The following SAE1 variants were observed in gnomAD, a reference collection of about 807,000 sequenced individuals.
SAE1 encodes SUMO-activating enzyme subunit 1.
A neutral mutation model predicts 40.6 loss-of-function variants in SAE1; 11 were observed. The observed-to-expected ratio is 0.27, with a 90% CI of 0.17 to 0.45. The LOEUF is 0.45. Among genes scored for constraint, SAE1 ranks in the 20% least tolerant of loss-of-function variants. SAE1 has a pLI of 1.00. For synonymous variants in SAE1, 155 were observed against 154.3 expected, an observed-to-expected ratio of 1.00 and a Z score of -0.03; for missense variants, 373 against 427.3, an observed-to-expected ratio of 0.87 and a Z score of 1.12.
At chr19:47,143,635 G>A (rs1361095492) in intron 2 of SAE1, 30 bp downstream of exon 2, 2 of 1,505,508 alleles carry the variant, frequency 1.3e-6, no homozygotes, top group African/African-American at 2.7e-5. Flanking sequence ...TTCCTCCCCT[G>A]CTCTGGCTCC....
chr19:47,147,206 T>G (rs920743303), intron 2 of SAE1, among the ~76,000 whole-genome samples: 4 of 132,770 alleles, frequency 3.0e-5, no homozygotes, highest in East Asian at 2.1e-4. Flanking sequence ...TGGGTTTTTT[T>G]TTTTTTTTTT....
chr19:47,158,985 T>C (rs760383663), intron 5 of SAE1, among the ~76,000 whole-genome samples: 5 of 152,204 alleles, frequency 3.3e-5, no homozygotes, highest in Non-Finnish European at 5.9e-5. Context: ...AAAAGGCCAC[T>C]GTCATGCTCC....
At chr19:47,147,860 A>G (rs1235532429) in intron 2 of SAE1, among the ~76,000 whole-genome samples, 1 of 148,294 alleles carries the variant, frequency 6.7e-6, no homozygotes, top group Non-Finnish European at 1.5e-5. Context: ...CCGGGTTCAC[A>G]CCATTCTCCT....
chr19:47,137,035 C>T (rs2058184694), intron 1 of SAE1, among the ~76,000 whole-genome samples: 1 of 152,122 alleles, frequency 6.6e-6, no homozygotes, highest in East Asian at 1.9e-4. Flanking sequence ...AGACAGTTAT[C>T]CTACTTCTCT....
At chr19:47,159,370 T>G (rs2058343988) in intron 5 of SAE1, among the ~76,000 whole-genome samples, 1 of 152,104 alleles carries the variant, frequency 6.6e-6, no homozygotes, top group Admixed American at 6.6e-5. Context: ...TGGTGGCCCT[T>G]AGGTTGCTTG....
chr19:47,151,195 G>A (rs1170758265), intron 3 of SAE1, among the ~76,000 whole-genome samples: 2 of 151,866 alleles, frequency 1.3e-5, no homozygotes, highest in Non-Finnish European at 2.9e-5. Context: ...TGTCGCCCAG[G>A]CTGGAGTGCA....
intron 1 of SAE1, among the ~76,000 whole-genome samples, chr19:47,142,112 G>A (rs1399200725): frequency 1.3e-5 from 2 of 152,094 alleles, no homozygotes; most frequent in Non-Finnish European, 2.9e-5. Flanking sequence ...GGCTGGGCAC[G>A]GTGGCTCATG....
chr19:47,148,342 G>C (rs2058266850), intron 2 of SAE1, among the ~76,000 whole-genome samples: 1 of 152,076 alleles, frequency 6.6e-6, no homozygotes, highest in Admixed American at 6.6e-5. Context: ...AGAGTGTGCT[G>C]TGGATGGTTG....
chr19:47,167,203 C>G (rs2058398955), intron 5 of SAE1, among the ~76,000 whole-genome samples: 1 of 152,158 alleles, frequency 6.6e-6, no homozygotes, highest in East Asian at 1.9e-4. Flanking sequence ...ATCCACCCGC[C>G]TTGGCCTCCC....
chr19:47,143,736 C>G (rs1281556717), intron 2 of SAE1, 131 bp downstream of exon 2: 1 of 661,264 alleles, frequency 1.5e-6, no homozygotes, highest in Non-Finnish European at 2.7e-6. Flanking sequence ...AAACCATTGC[C>G]TCTGGAGACT....
chr19:47,153,091 T>C, intron 4 of SAE1, 51 bp downstream of exon 4: 1 of 790,854 alleles, frequency 1.3e-6, no homozygotes, highest in Non-Finnish European at 1.8e-6. Context: ...CTTTTTATAC[T>C]TTTTTTTTTT....
Position 47,167,426 on chromosome 19 carries a change from G to A in SAE1, c.628-2392G>A, listed in dbSNP as rs145530875. Among the ~76,000 whole-genome samples, 1,396 of 151,762 alleles carry A rather than the reference G, an allele frequency of 9.2e-3. 23 individuals are homozygous for A. Among genetic ancestry groups the A allele is most frequent in the African/African-American group, 0.032 (1,316 of 41,336 alleles). On this transcript the variant is annotated intron_variant, in intron 5 of 8. Transcript: ENST00000270225. ...GGCTAATTTTTTTGTATTTTTAGTA[G>A]AGACGGAGTTTCGCCATGTTAGCCA...
intron 1 of SAE1, among the ~76,000 whole-genome samples, chr19:47,133,171 G>T (rs150187628): frequency 6.6e-6 from 1 of 152,342 alleles, no homozygotes; most frequent in East Asian, 1.9e-4. Context: ...TTCTAAGTGT[G>T]TGGGAAAACC....
At chr19:47,138,097 G>A (rs1265661351) in intron 1 of SAE1, among the ~76,000 whole-genome samples, 1 of 151,862 alleles carries the variant, frequency 6.6e-6, no homozygotes, top group East Asian at 1.9e-4. Flanking sequence ...AGGCTGGAGT[G>A]CAATGGCGTG....
At chr19:47,168,394 C>T (rs1600179116) in intron 5 of SAE1, among the ~76,000 whole-genome samples, 1 of 151,924 alleles carries the variant, frequency 6.6e-6, no homozygotes, top group African/African-American at 2.4e-5. Flanking sequence ...GCCTCGACCT[C>T]CTGTGCTAAA....
intron 5 of SAE1, among the ~76,000 whole-genome samples, chr19:47,160,130 A>C (rs1273133809): frequency 6.6e-6 from 1 of 152,086 alleles, no homozygotes; most frequent in Non-Finnish European, 1.5e-5. Flanking sequence ...AAAGAAGACA[A>C]TAGACTTGCC....
rs1203992048 is a variant in SAE1 at position 47,130,919 on chromosome 19, A to G, written c.-12A>G. 8.4e-6 allele frequency: 13 copies of G among 1,549,282 alleles called. No individual in the cohort carries two copies. The highest frequency in any genetic ancestry group is 1.1e-5 in the Non-Finnish European group (13 of 1,146,540). ...GAGCGGGACCGGAGCTGAGGCAGGA[A>G]GAGCCGGCGCCATGGTGGAGAAGGA... On this transcript the variant is annotated 5_prime_UTR_variant, in exon 1 of 9. Transcript: ENST00000270225.
At chr19:47,204,157 C>G (rs1192432520) in intron 8 of SAE1, among the ~76,000 whole-genome samples, 1 of 138,412 alleles carries the variant, frequency 7.2e-6, no homozygotes, top group Non-Finnish European at 1.5e-5. Context: ...CAGTTTATCT[C>G]TATTCATCAC....
At chr19:47,159,841 G>A (rs1403482696) in intron 5 of SAE1, among the ~76,000 whole-genome samples, 1 of 152,056 alleles carries the variant, frequency 6.6e-6, no homozygotes, top group Non-Finnish European at 1.5e-5. Flanking sequence ...CTGCCAGTGT[G>A]TGCCACCACA....
Sources: allele counts gnomAD v4.1 joint callset (sites outside exome capture counted in the v4.1 genomes callset), GRCh38; gene constraint gnomAD v4.1.1; transcripts MANE v1.5; gene names NCBI Gene and HGNC (gene_info 2026-07-23, HGNC 2026-07-21).